The following NEK10 variants were observed in gnomAD, a reference collection of about 807,000 sequenced individuals.
The protein encoded by NEK10 is NIMA related kinase 10, also known as serine/threonine-protein kinase Nek10.
NEK10 carries 122 observed loss-of-function variants against 159.8 expected under a neutral mutation model. The ratio of observed to expected loss-of-function variants is 0.76; its 90% CI spans 0.66 to 0.89. The LOEUF (loss-of-function observed/expected upper bound fraction) is 0.89. NEK10 is among the 40% of genes least tolerant of loss of function. The pLI is 0.00. For synonymous variants in NEK10, 466 were observed against 457.1 expected, an observed-to-expected ratio of 1.02 and a Z score of -0.25; for missense variants, 1,342 against 1,323.1, an observed-to-expected ratio of 1.01 and a Z score of -0.22.
At chr3:27,198,331 C>CA (rs59823084) in intron 25 of NEK10, among the ~76,000 whole-genome samples, 450 of 101,876 alleles carry the variant, frequency 4.4e-3, no homozygotes, top group East Asian at 0.029. Flanking sequence ...CAATCCTAAG[C>CA]AAAAAAAAAA....
chr3:27,368,567 C>A (rs2049275311), intron 1 of NEK10, among the ~76,000 whole-genome samples: 1 of 152,082 alleles, frequency 6.6e-6, no homozygotes, highest in Non-Finnish European at 1.5e-5. Context: ...TCATGGATGT[C>A]GTCTAGAGTG....
At chr3:27,171,733 T>A in intron 29 of NEK10, 86 bp downstream of exon 29, 1 of 1,411,580 alleles carries the variant, frequency 7.1e-7, no homozygotes, top group Non-Finnish European at 9.8e-7. Flanking sequence ...CATGGAAACT[T>A]CTGGCTATCA....
intron 32 of NEK10, among the ~76,000 whole-genome samples, chr3:27,123,418 C>T (rs1042850345): frequency 5.9e-5 from 9 of 151,862 alleles, no homozygotes; most frequent in Non-Finnish European, 1.3e-4. Context: ...AAAGGTTGGG[C>T]ATTGCATATT....
At chr3:27,261,955 T>C (rs79215300) in intron 22 of NEK10, among the ~76,000 whole-genome samples, 1 of 152,326 alleles carries the variant, frequency 6.6e-6, no homozygotes, top group East Asian at 1.9e-4. Context: ...TCTTGTTGAA[T>C]TGATCCCTTT....
At chr3:27,329,997 C>T (rs9854817) in intron 5 of NEK10, among the ~76,000 whole-genome samples, 2,904 of 152,250 alleles carry the variant, frequency 0.019, 50 homozygotes, top group East Asian at 0.064. Context: ...TATAAATCAT[C>T]TTAGATTACT....
intron 5 of NEK10, among the ~76,000 whole-genome samples, chr3:27,330,146 G>C (rs1240769813): frequency 6.7e-6 from 1 of 149,214 alleles, no homozygotes; most frequent in Non-Finnish European, 1.5e-5. Context: ...GGCTGACTGT[G>C]CCTGTGTGTG....
rs796610747 is a variant in NEK10 at position 27,322,329 on chromosome 3, A to T, written c.363-68T>A. 5.6e-5 allele frequency: 52 copies of T among 924,052 alleles called. No homozygotes were observed. The African/African-American group carries it at 7.4e-4, about 13-fold the overall frequency. 57.2% of individuals were successfully genotyped at this position (924,052 alleles called of 1,614,324 possible). ...CAGTGTGGCAATTCATAAAAATGCA[A>T]GGCTATGAAGGAGTATAAAGAACGC... On this transcript the variant is annotated intron_variant, in intron 5 of 35. Coordinates refer to ENST00000691995, the MANE Select transcript of NEK10 (RefSeq NM_001394966.1).
At chr3:27,253,171 C>T (rs1311390565) in intron 23 of NEK10, among the ~76,000 whole-genome samples, 4 of 152,080 alleles carry the variant, frequency 2.6e-5, no homozygotes, top group South Asian at 2.1e-4. Flanking sequence ...TGGGATTATA[C>T]TAAGCCATAG....
chr3:27,221,253 A>G (rs1952070973), intron 23 of NEK10, among the ~76,000 whole-genome samples: 1 of 152,244 alleles, frequency 6.6e-6, no homozygotes, highest in Non-Finnish European at 1.5e-5. Context: ...CTTACAAATC[A>G]TATATCTGAT....
intron 30 of NEK10, among the ~76,000 whole-genome samples, chr3:27,145,545 T>C (rs1004328633): frequency 6.6e-5 from 10 of 152,188 alleles, no homozygotes; most frequent in African/African-American, 2.4e-4. Context: ...AAGAGCTATT[T>C]TGTTTCCCCT....
At chr3:27,237,452 T>C (rs1420598036) in intron 23 of NEK10, among the ~76,000 whole-genome samples, 2 of 152,226 alleles carry the variant, frequency 1.3e-5, no homozygotes, top group Non-Finnish European at 2.9e-5. Context: ...TAAGAAATTA[T>C]AAAAGTATTA....
chr3:27,317,292 G>A (rs559490378), intron 6 of NEK10, among the ~76,000 whole-genome samples: 1 of 152,228 alleles, frequency 6.6e-6, no homozygotes, highest in Admixed American at 6.5e-5. Flanking sequence ...TATACACATG[G>A]GCTTAACACT....
intron 6 of NEK10, among the ~76,000 whole-genome samples, chr3:27,321,602 G>C (rs763040310): frequency 5.3e-5 from 8 of 152,194 alleles, no homozygotes; most frequent in Admixed American, 1.3e-4. Flanking sequence ...AAACCTGGGA[G>C]GTGGAGAGTG....
chr3:27,254,471 T>G (rs1271542271), intron 23 of NEK10, among the ~76,000 whole-genome samples: 2 of 152,200 alleles, frequency 1.3e-5, no homozygotes, highest in African/African-American at 4.8e-5. Flanking sequence ...ATTCTGCTTT[T>G]GGAGAATCCC....
chr3:27,183,252 AT>A (rs1948302278), intron 26 of NEK10, among the ~76,000 whole-genome samples: 1 of 151,664 alleles, frequency 6.6e-6, no homozygotes. Context: ...AAATTTAAAA[AT>A]ATTTATAAAC....
chr3:27,116,878 A>G (rs142875220), intron 33 of NEK10, among the ~76,000 whole-genome samples: 433 of 151,974 alleles, frequency 2.8e-3, no homozygotes, highest in Non-Finnish European at 5.2e-3. Context: ...ATATAGGTAA[A>G]TGTGTGCCAT....
chr3:27,117,613 G>A (rs1403461769), intron 33 of NEK10, among the ~76,000 whole-genome samples: 1 of 152,130 alleles, frequency 6.6e-6, no homozygotes, highest in East Asian at 1.9e-4. Context: ...TTTGTTGGCC[G>A]CATAAATGTC....
chr3:27,128,327 G>A (rs963694749), intron 32 of NEK10, among the ~76,000 whole-genome samples: 50 of 152,132 alleles, frequency 3.3e-4, no homozygotes, highest in African/African-American at 1.1e-3. Flanking sequence ...CATAGACAGT[G>A]CTGTACACTC....
intron 5 of NEK10, among the ~76,000 whole-genome samples, chr3:27,341,217 G>GTAT (rs2047180419): frequency 6.6e-6 from 1 of 152,092 alleles, no homozygotes; most frequent in South Asian, 2.1e-4. Flanking sequence ...GAGTGCAAGG[G>GTAT]GGGATAAACA....
Sources: gnomAD v4.1 joint callset for allele counts (sites outside exome capture counted in the v4.1 genomes callset) on GRCh38, gnomAD v4.1.1 for gene constraint, MANE v1.5 for transcripts, NCBI Gene and HGNC (gene_info 2026-07-23, HGNC 2026-07-21) for gene names.